The following EMSY variants were observed in gnomAD, a reference collection of about 807,000 sequenced individuals.
EMSY encodes the protein BRCA2-interacting transcriptional repressor EMSY.
EMSY carries 26 observed loss-of-function variants against 134.6 expected under a neutral mutation model. The observed-to-expected ratio is 0.19, with a 90% CI of 0.14 to 0.27. The LOEUF (loss-of-function observed/expected upper bound fraction) is 0.27, where lower values mean the gene tolerates loss of function less well. Among genes scored for constraint, EMSY ranks in the 10% least tolerant of loss-of-function variants. EMSY has a pLI of 1.00. For missense variants in EMSY, 1,305 were observed against 1,611.4 expected (o/e 0.81, Z 3.26); for synonymous variants, 579 against 577.8 (o/e 1.00, Z -0.03).
chr11:76,542,967 G>T (rs774433750), intron 18 of EMSY, among the ~76,000 whole-genome samples: 1 of 152,158 alleles, frequency 6.6e-6, no homozygotes, highest in South Asian at 2.1e-4. Flanking sequence ...ATTTTGTGTC[G>T]GATACTGTGC....
At chr11:76,475,706 A>T (rs1948745862) in intron 8 of EMSY, among the ~76,000 whole-genome samples, 1 of 152,208 alleles carries the variant, frequency 6.6e-6, no homozygotes, top group African/African-American at 2.4e-5. Context: ...AACAAGGTAA[A>T]TATTGATGGA....
exon 5 of EMSY, chr11:76,458,293 T>G: frequency 1.2e-6 from 2 of 1,614,046 alleles, no homozygotes; most frequent in Non-Finnish European, 1.7e-6. Flanking sequence ...GCTAATGCTG[T>G]TGCTAATGCA....
chr11:76,448,929 T>C (rs769862016), intron 2 of EMSY, among the ~76,000 whole-genome samples: 1 of 152,172 alleles, frequency 6.6e-6, no homozygotes, highest in East Asian at 1.9e-4. Flanking sequence ...TTATATATAC[T>C]GAATGTGTCA....
At chr11:76,456,658 T>A (rs532554085) in intron 4 of EMSY, among the ~76,000 whole-genome samples, 391 of 152,314 alleles carry the variant, frequency 2.6e-3, no homozygotes, top group African/African-American at 9.1e-3. Context: ...ATAACAAATT[T>A]GTGAGTGTTA....
chr11:76,452,072 A>C (rs1235415143), intron 3 of EMSY, 115 bp downstream of exon 3: 1 of 611,362 alleles, frequency 1.6e-6, no homozygotes, highest in African/African-American at 1.9e-5. Flanking sequence ...GAGGTGTTCA[A>C]ATTGTTGGTG....
At position 76,509,302 on chromosome 11, in the gene EMSY, G is replaced by A. The variant is rs11236771; in HGVS notation, c.1364-4084G>A. ...GAGGTCAGGAGTTCGAGACCAGCCT[G>A]GCCAACATGATGAAACCCTGTCTCT... On this transcript the variant is annotated intron_variant, in intron 9 of 20. Coordinates refer to ENST00000334736, the Ensembl canonical transcript of EMSY. Among the ~76,000 whole-genome samples the A allele has an allele frequency of 6.4e-3, 967 of 152,206 alleles. 11 individuals are homozygous for A. Among genetic ancestry groups the A allele is most frequent in the African/African-American group, 0.022 (922 of 41,522 alleles).
chr11:76,450,055 TG>T (rs1188012860), intron 2 of EMSY, among the ~76,000 whole-genome samples: 21 of 101,348 alleles, frequency 2.1e-4, no homozygotes, highest in Admixed American at 1.6e-3. Context: ...TTTGTACATT[TG>T]CTTTTTTTTT....
At chr11:76,543,150 G>A (rs1439624253) in intron 18 of EMSY, among the ~76,000 whole-genome samples, 1 of 152,142 alleles carries the variant, frequency 6.6e-6, no homozygotes, top group Non-Finnish European at 1.5e-5. Context: ...CTGTTAAATA[G>A]TTATATCATG....
intron 20 of EMSY, among the ~76,000 whole-genome samples, chr11:76,547,466 G>A (rs1159475527): frequency 1.3e-5 from 2 of 152,188 alleles, no homozygotes; most frequent in Non-Finnish European, 2.9e-5. Context: ...TTCCCCTGAA[G>A]AGGTAAGGTG....
intron 8 of EMSY, among the ~76,000 whole-genome samples, chr11:76,475,978 T>C (rs1948756189): frequency 6.6e-6 from 1 of 152,258 alleles, no homozygotes; most frequent in Non-Finnish European, 1.5e-5. Flanking sequence ...TAGTTATGTC[T>C]CTTTTAACTT....
intron 2 of EMSY, among the ~76,000 whole-genome samples, chr11:76,449,222 A>G (rs903622442): frequency 5.3e-5 from 8 of 152,232 alleles, no homozygotes; most frequent in African/African-American, 1.9e-4. Context: ...AGGTATGTGA[A>G]GATCTAAGGA....
chr11:76,467,290 G>T (rs556389266), intron 7 of EMSY, among the ~76,000 whole-genome samples: 2 of 152,124 alleles, frequency 1.3e-5, no homozygotes, highest in African/African-American at 4.8e-5. Flanking sequence ...TTTGTTGCTG[G>T]ATCTTATTTT....
In EMSY at chr11:76,471,074, T is replaced by C. The variant is rs77147343; in HGVS notation, c.832-1490T>C. 9.3e-3 allele frequency among the ~76,000 whole-genome samples: 1,417 copies of C among 152,296 alleles called. 20 individuals carry two copies. Among genetic ancestry groups the C allele is most frequent in the African/African-American group, 0.033 (1,352 of 41,570 alleles). ...TGCAGTGTATTCAGAATCTGTTCAC[T>C]TTTTACTTCTTCCACCACAAATACC... is the stretch of plus-strand genomic sequence containing the variant. On this transcript the variant is annotated intron_variant, in intron 7 of 20. Transcript: ENST00000334736.
At chr11:76,545,056 C>A (rs950465804) in intron 19 of EMSY, among the ~76,000 whole-genome samples, 4 of 152,152 alleles carry the variant, frequency 2.6e-5, no homozygotes, top group Admixed American at 2.6e-4. Context: ...ATTTTTCAGG[C>A]AGTTTTTATT....
At chr11:76,515,996 A>C (rs1950437954) in intron 10 of EMSY, 146 bp from the exon 12 acceptor site, 1 of 665,634 alleles carries the variant, frequency 1.5e-6, no homozygotes, top group African/African-American at 1.8e-5. Flanking sequence ...CTGGCTGTAA[A>C]ATTATAAATT....
intron 4 of EMSY, among the ~76,000 whole-genome samples, chr11:76,457,616 T>G (rs1947928129): frequency 6.6e-6 from 1 of 152,216 alleles, no homozygotes; most frequent in African/African-American, 2.4e-5. Flanking sequence ...ACATTGTCAG[T>G]GACACATACG....
chr11:76,470,310 G>A (rs1219756134), intron 7 of EMSY, among the ~76,000 whole-genome samples: 1 of 151,684 alleles, frequency 6.6e-6, no homozygotes, highest in Non-Finnish European at 1.5e-5. Context: ...GCTCTTTTTT[G>A]GGTTTTACTA....
chr11:76,544,259 G>A (rs1951557243), exon 19 of EMSY: 1 of 1,606,566 alleles, frequency 6.2e-7, no homozygotes, highest in South Asian at 1.1e-5. Flanking sequence ...TTTTACTTAG[G>A]CATTAAGCAG....
At chr11:76,489,540 A>G (rs546533846) in intron 8 of EMSY, among the ~76,000 whole-genome samples, 40 of 150,912 alleles carry the variant, frequency 2.7e-4, no homozygotes, top group Non-Finnish European at 1.2e-4. Flanking sequence ...CAGTGTTTCC[A>G]TGTCTGTCTT....
Sources: gnomAD v4.1 joint callset for allele counts (sites outside exome capture counted in the v4.1 genomes callset) on GRCh38, gnomAD v4.1.1 for gene constraint, MANE v1.5 for transcripts, NCBI Gene and HGNC (gene_info 2026-07-23, HGNC 2026-07-21) for gene names.